Variants in XYLT1 observed in about 807,000 individuals in gnomAD.
The protein encoded by XYLT1 is xylosyltransferase 1.
XYLT1 carries 36 observed loss-of-function variants against 91.3 expected under a neutral mutation model. That is an observed-to-expected ratio of 0.39 (90% CI 0.30 to 0.52). The LOEUF (loss-of-function observed/expected upper bound fraction) is 0.52, where lower values mean the gene tolerates loss of function less well. Among genes scored for constraint, XYLT1 ranks in the 20% least tolerant of loss-of-function variants. The pLI, the probability that XYLT1 is intolerant of heterozygous loss-of-function variation, is 0.68. For missense variants in XYLT1, 1,242 were observed against 1,284.5 expected (o/e 0.97, Z 0.51); for synonymous variants, 588 against 532.0 (o/e 1.11, Z -1.45).
At chr16:17,261,538 A>AT (rs1490613169) in intron 2 of XYLT1, among the ~76,000 whole-genome samples, 1 of 152,224 alleles carries the variant, frequency 6.6e-6, no homozygotes, top group Non-Finnish European at 1.5e-5. Context: ...AAGAAATTGT[A>AT]TGATCCTTAT....
intron 1 of XYLT1, among the ~76,000 whole-genome samples, chr16:17,419,857 G>T (rs1268854583): frequency 1.3e-5 from 2 of 152,182 alleles, no homozygotes; most frequent in Non-Finnish European, 2.9e-5. Flanking sequence ...AGTTCATGAA[G>T]GCAGGAACAT....
At chr16:17,392,216 C>T (rs1179909225) in intron 1 of XYLT1, among the ~76,000 whole-genome samples, 4 of 152,188 alleles carry the variant, frequency 2.6e-5, no homozygotes, top group African/African-American at 9.7e-5. Flanking sequence ...TCATCTGACA[C>T]CATGCTTCCT....
chr16:17,344,826 G>A (rs767502477), intron 2 of XYLT1, among the ~76,000 whole-genome samples: 2 of 151,472 alleles, frequency 1.3e-5, no homozygotes, highest in Admixed American at 6.6e-5. Flanking sequence ...TCAGCCTCCC[G>A]AGTAGCTGGG....
rs74010556 is a variant in XYLT1, at chr16:17,240,802, G to T, written c.913+18186C>A. Among the ~76,000 whole-genome samples the T allele has an allele frequency of 2.3e-3, 344 of 152,284 alleles. 1 individual carries two copies. Among genetic ancestry groups the T allele is most frequent in the African/African-American group, 7.9e-3 (327 of 41,558 alleles). ...GTATTACACATCATTCCATTTAGGA[G>T]AACCTGTTGGATAGATACTATCATT... is the stretch of plus-strand genomic sequence containing the variant. On this transcript the variant is annotated intron_variant, in intron 3 of 11. Coordinates refer to ENST00000261381, the MANE Select transcript of XYLT1 (RefSeq NM_022166.4).
chr16:17,325,387 C>T (rs11859181), intron 2 of XYLT1, among the ~76,000 whole-genome samples: 6,893 of 152,154 alleles, frequency 0.045, 554 homozygotes, highest in African/African-American at 0.16. Flanking sequence ...GGCGACAGAG[C>T]GAGACTCTGT....
chr16:17,188,050 G>A (rs2032225387), intron 5 of XYLT1, among the ~76,000 whole-genome samples: 1 of 152,002 alleles, frequency 6.6e-6, no homozygotes, highest in African/African-American at 2.4e-5. Flanking sequence ...ACAGAAGGTG[G>A]CTGCCTGGCT....
chr16:17,288,375 T>TCATGG (rs1265241152), intron 2 of XYLT1, among the ~76,000 whole-genome samples: 2 of 151,916 alleles, frequency 1.3e-5, no homozygotes. Context: ...ACAGTTTCAC[T>TCATGG]CATGGCAAGA....
chr16:17,216,529 G>A lies in XYLT1; in HGVS notation c.914-15875C>T, dbSNP rs148613882. Among the ~76,000 whole-genome samples the A allele has an allele frequency of 4.2e-3, 634 of 152,192 alleles. 7 individuals carry two copies. Among genetic ancestry groups the A allele is most frequent in the African/African-American group, 0.015 (612 of 41,530 alleles). ...TAAAAAAGGGACATTTCTCCAAATC[G>A]TTTCCCATTTGTCACATTAATGCTG... On this transcript the variant is annotated intron_variant, in intron 3 of 11. Transcript: ENST00000261381.
chr16:17,275,477 A>C lies in XYLT1; in HGVS notation c.403-15979T>G, dbSNP rs74010568. On this transcript the variant is annotated intron_variant, in intron 2 of 11. Transcript: ENST00000261381. ...GCTGATCTTTGGCCTGGGGTGGGGA[A>C]GGGAGGAGTCCAGAAGTAAGAGAGT... Among the ~76,000 whole-genome samples, 407 of 152,248 alleles carry C rather than the reference A, an allele frequency of 2.7e-3. 1 individual carries two copies. The highest frequency in any genetic ancestry group is 8.9e-3 in the African/African-American group (371 of 41,534).
chr16:17,268,955 G>T (rs1206021962), intron 2 of XYLT1, among the ~76,000 whole-genome samples: 1 of 152,102 alleles, frequency 6.6e-6, no homozygotes. Context: ...TTACAGGCGT[G>T]AGCCACTGCG....
At chr16:17,353,338 T>C (rs2035246449) in intron 2 of XYLT1, among the ~76,000 whole-genome samples, 1 of 152,122 alleles carries the variant, frequency 6.6e-6, no homozygotes, top group South Asian at 2.1e-4. Context: ...ACAGAGAGCC[T>C]GTTGAGGGTG....
chr16:17,238,045 G>A (rs1379307733), intron 3 of XYLT1, among the ~76,000 whole-genome samples: 1 of 152,174 alleles, frequency 6.6e-6, no homozygotes, highest in Admixed American at 6.5e-5. Context: ...TGGCACACAG[G>A]CTGGGGGATT....
At chr16:17,225,324 A>C (rs1043264041) in intron 3 of XYLT1, among the ~76,000 whole-genome samples, 4 of 152,060 alleles carry the variant, frequency 2.6e-5, no homozygotes, top group Admixed American at 6.6e-5. Context: ...CAACTCCATA[A>C]TTTGCAGGGC....
chr16:17,136,694 C>T (rs892878164), intron 8 of XYLT1, among the ~76,000 whole-genome samples: 3 of 152,014 alleles, frequency 2.0e-5, no homozygotes, highest in African/African-American at 7.3e-5. Flanking sequence ...GGGCACGTTA[C>T]CATATTATTC....
intron 1 of XYLT1, among the ~76,000 whole-genome samples, chr16:17,463,188 A>T (rs2036844142): frequency 6.6e-6 from 1 of 152,208 alleles, no homozygotes; most frequent in Admixed American, 6.5e-5. Context: ...TTTGGGTAAG[A>T]CCACAAAAGC....
In XYLT1 at chr16:17,277,714, G is replaced by C. The variant is rs142685119; in HGVS notation, c.403-18216C>G. ...CTACTGTTTTCATCTTTATGTTCAC[G>C]TGTACTCAATGTTTAGATCCTAATT... On this transcript the variant is annotated intron_variant, in intron 2 of 11. Coordinates refer to ENST00000261381, the MANE Select transcript of XYLT1 (RefSeq NM_022166.4). Among the ~76,000 whole-genome samples, 973 of 152,196 alleles carry C rather than the reference G, an allele frequency of 6.4e-3. 15 individuals carry two copies. Among genetic ancestry groups the C allele is most frequent in the African/African-American group, 0.022 (914 of 41,528 alleles).
intron 1 of XYLT1, among the ~76,000 whole-genome samples, chr16:17,386,750 T>C (rs1390136042): frequency 1.3e-5 from 2 of 152,172 alleles, no homozygotes; most frequent in Non-Finnish European, 2.9e-5. Context: ...GCACTGATAA[T>C]TTATTAAATG....
At position 17,259,531 on chromosome 16, in the gene XYLT1, C is replaced by G. The variant is rs139883226; in HGVS notation, c.403-33G>C. The G allele has an allele frequency of 6.4e-5, 102 of 1,591,654 alleles. No homozygotes were observed. The African/African-American group carries it at 1.2e-3, about 19-fold the overall frequency. On this transcript the variant is annotated intron_variant, in intron 2 of 11. Transcript: ENST00000261381. ...AGAGGGGAGAGAAACAGAAGAGAAA[C>G]TTGACTGAGAGATCATGCTAAGCAG...
Position 17,260,420 on chromosome 16 carries a change from C to A in XYLT1, c.403-922G>T, listed in dbSNP as rs555881494. Among the ~76,000 whole-genome samples the A allele has an allele frequency of 1.4e-4, 22 of 152,296 alleles. No individual in the cohort carries two copies. The South Asian group carries it at 3.9e-3, about 27-fold the overall frequency. ...GCATATCCAATGTCCTACAACACGG[C>A]CCCTGACCTCTGAAGCCACAGAGAA... On this transcript the variant is annotated intron_variant, in intron 2 of 11. Transcript: ENST00000261381.
Sources: allele counts gnomAD v4.1 joint callset (sites outside exome capture counted in the v4.1 genomes callset), GRCh38; gene constraint gnomAD v4.1.1; transcripts MANE v1.5; gene names NCBI Gene and HGNC (gene_info 2026-07-23, HGNC 2026-07-21).